The following VAPB variants were observed in gnomAD, a reference collection of about 807,000 sequenced individuals.
VAPB encodes the protein VAMP associated protein B and C.
VAPB carries 7 observed loss-of-function variants against 25.6 expected under a neutral mutation model. The observed-to-expected ratio is 0.27, with a 90% confidence interval of 0.16 to 0.51. The LOEUF is 0.51. VAPB is among the 20% of genes least tolerant of loss of function. VAPB has a pLI of 0.97. For missense variants in VAPB, 266 were observed against 301.3 expected (o/e 0.88, Z 0.87); for synonymous variants, 112 against 109.2 (o/e 1.03, Z -0.16).
At chr20:58,391,602 C>A (rs1383184712) in intron 1 of VAPB, among the ~76,000 whole-genome samples, 1 of 151,992 alleles carries the variant, frequency 6.6e-6, no homozygotes, top group East Asian at 1.9e-4. Context: ...GGCGCCATCT[C>A]ACTGCAGCCT....
intron 2 of VAPB, among the ~76,000 whole-genome samples, chr20:58,424,426 A>G (rs1339038394): frequency 6.6e-6 from 1 of 151,996 alleles, no homozygotes; most frequent in African/African-American, 2.4e-5. Context: ...GCATTCAGAA[A>G]TAACAGTGGG....
chr20:58,449,972 C>T lies in VAPB; in HGVS notation c.*5737C>T, dbSNP rs972036619. The T allele has an allele frequency of 4.4e-6, 2 of 453,712 alleles. No homozygotes were observed. Among genetic ancestry groups the T allele is most frequent in the Non-Finnish European group, 8.8e-6 (2 of 226,758 alleles). The allele number at this position is 453,712 out of a possible 1,614,324, so 28.1% of individuals were successfully genotyped here. On this transcript the variant is annotated 3_prime_UTR_variant, in exon 6 of 6. Transcript: ENST00000475243. The stretch of plus-strand genomic sequence containing the variant: ...TTTGGAAAATGCCAACTAAGGGAGA[C>T]TAATCAGATATCTTAACACAATTTC...
At chr20:58,443,398 GTTTTT>G (rs397773897) in intron 5 of VAPB, among the ~76,000 whole-genome samples, 2 of 112,836 alleles carry the variant, frequency 1.8e-5, no homozygotes, top group East Asian at 5.0e-4. Flanking sequence ...CCACTTTTAG[GTTTTT>G]TTTTTTTTTT....
At chr20:58,390,560 C>T (rs1377041953) in intron 1 of VAPB, among the ~76,000 whole-genome samples, 1 of 152,024 alleles carries the variant, frequency 6.6e-6, no homozygotes, top group Non-Finnish European at 1.5e-5. Flanking sequence ...GACAGACAAA[C>T]CAACACACAA....
chr20:58,440,920 T>A lies in VAPB; in HGVS notation c.410T>A (p.Ile137Lys). The A allele has an allele frequency of 6.2e-7, 1 of 1,613,590 alleles. No individual in the cohort carries two copies. The highest frequency in any genetic ancestry group is 8.5e-7 in the Non-Finnish European group (1 of 1,179,748). Reference sequence around the variant, plus strand: ...GTTTTTGAACAGCATGATGTAGAAATAAATAAAATTATATCCACAACTGCA... The same window carrying A: ...GTTTTTGAACAGCATGATGTAGAAAAAAATAAAATTATATCCACAACTGCA... ...AENDKPHDVE[I>K]NKIISTTASK... The change falls in exon 5 of 6, where the codon ATA (isoleucine) becomes AAA (lysine). Residue 137 changes from isoleucine (I) to lysine (K), a missense_variant. Ile to Lys is a moderately radical substitution (Grantham distance 102, BLOSUM62 -3). This residue lies in a region of VAPB where 136 missense variants were observed against 130.7 expected (regional missense o/e 1.04). Transcript: ENST00000475243.
chr20:58,449,438 T>C lies in VAPB; in HGVS notation c.*5203T>C, dbSNP rs757341752. On this transcript the variant is annotated 3_prime_UTR_variant, in exon 6 of 6. Transcript: ENST00000475243. The stretch of plus-strand genomic sequence containing the variant: ...AGGTTGTCTTCATGAATATAATTAC[T>C]TGAGATTTTTTTTTCTTAATGGAAT... The C allele has an allele frequency of 2.7e-5, 12 of 450,614 alleles. No individual in the cohort carries two copies. The Admixed American group carries it at 2.9e-4, about 11-fold the overall frequency. The allele number at this position is 450,614 out of a possible 1,614,324, so 27.9% of individuals were successfully genotyped here.
Position 58,446,245 on chromosome 20 carries a change from C to T in VAPB, c.*2010C>T, listed in dbSNP as rs1259580433. ...GTACTTATAAAAGGGAGTGAAAAGA[C>T]CGAGCTGTAAGGCATGTGCCTTCTG... On this transcript the variant is annotated 3_prime_UTR_variant, in exon 6 of 6. Transcript: ENST00000475243. The T allele has an allele frequency of 1.5e-5, 7 of 453,948 alleles. No homozygotes were observed. Among genetic ancestry groups the T allele is most frequent in the South Asian group, 1.1e-4 (7 of 64,480 alleles). The allele number at this position is 453,948 out of a possible 1,614,324, so 28.1% of individuals were successfully genotyped here.
In VAPB at chr20:58,415,064, AC is replaced by A. The variant is rs542220155; in HGVS notation, c.59-3145del. ...ACAGCGAAACCCCGTCTCCACCAAA[AC>A]CAGTCAGGCGTGGCGGCGCGAGCCT... On this transcript the variant is annotated intron_variant, in intron 1 of 5. Transcript: ENST00000475243. Among the ~76,000 whole-genome samples, 646 of 152,310 alleles carry A rather than the reference AC, an allele frequency of 4.2e-3. 3 individuals are homozygous for A. The highest frequency in any genetic ancestry group is 0.029 in the Admixed American group (446 of 15,308).
intron 5 of VAPB, among the ~76,000 whole-genome samples, chr20:58,441,584 G>T (rs1238954563): frequency 1.3e-5 from 2 of 152,234 alleles, no homozygotes; most frequent in East Asian, 3.8e-4. Context: ...GGAGGTTGCA[G>T]TGAGCTGAGA....
intron 2 of VAPB, among the ~76,000 whole-genome samples, chr20:58,428,558 G>A (rs552725939): frequency 3.3e-5 from 5 of 152,146 alleles, no homozygotes; most frequent in African/African-American, 7.2e-5. Flanking sequence ...AGGCTAAGGC[G>A]GGAGGATCAC....
At chr20:58,415,782 C>T (rs1988525081) in intron 1 of VAPB, among the ~76,000 whole-genome samples, 1 of 152,144 alleles carries the variant, frequency 6.6e-6, no homozygotes, top group Non-Finnish European at 1.5e-5. Context: ...TAGTAAAAGT[C>T]TGAATGATGC....
intron 2 of VAPB, among the ~76,000 whole-genome samples, chr20:58,424,887 TAAATG>T (rs1988753259): frequency 6.6e-6 from 1 of 152,236 alleles, no homozygotes. Flanking sequence ...GATTTATAAA[TAAATG>T]CAATTCATTA....
chr20:58,446,445 T>G lies in VAPB; in HGVS notation c.*2210T>G, dbSNP rs1179617553. On this transcript the variant is annotated 3_prime_UTR_variant, in exon 6 of 6. Transcript: ENST00000475243. ...CACTAGAGCAGGGCTCTATTTATTT[T>G]TAAAGGATATGGCCGTGTGTTTTGA... 4 of 454,096 alleles carry G rather than the reference T, an allele frequency of 8.8e-6. No homozygotes were observed. Among genetic ancestry groups the G allele is most frequent in the Admixed American group, 4.7e-5 (2 of 42,586 alleles). 28.1% of individuals were successfully genotyped at this position (454,096 alleles called of 1,614,324 possible). A position where few individuals can be genotyped will look rare whatever the true frequency, so the allele number is the denominator to read the frequency against.
At chr20:58,422,105 T>C (rs1250069919) in intron 2 of VAPB, among the ~76,000 whole-genome samples, 1 of 152,236 alleles carries the variant, frequency 6.6e-6, no homozygotes, top group Non-Finnish European at 1.5e-5. Flanking sequence ...CCCAAAGAGT[T>C]GCTTTAGGCC....
intron 2 of VAPB, among the ~76,000 whole-genome samples, chr20:58,424,255 C>G (rs927127575): frequency 2.0e-5 from 3 of 151,938 alleles, no homozygotes; most frequent in Admixed American, 6.6e-5. Flanking sequence ...TTATTCTTAC[C>G]TTAGACTTAC....
At chr20:58,413,817 C>CA (rs1988447134) in intron 1 of VAPB, among the ~76,000 whole-genome samples, 1 of 138,870 alleles carries the variant, frequency 7.2e-6, no homozygotes, top group African/African-American at 2.7e-5. Flanking sequence ...GCTGGCCGGG[C>CA]GGGGGGCTGA....
intron 1 of VAPB, among the ~76,000 whole-genome samples, chr20:58,415,272 T>C (rs1195566347): frequency 1.3e-5 from 2 of 152,270 alleles, no homozygotes; most frequent in Non-Finnish European, 2.9e-5. Context: ...CTAAATACCT[T>C]TTACAGCATG....
At chr20:58,400,485 G>GT (rs1988070289) in intron 1 of VAPB, among the ~76,000 whole-genome samples, 1 of 152,086 alleles carries the variant, frequency 6.6e-6, no homozygotes, top group Admixed American at 6.6e-5. Flanking sequence ...CTCTGATCCA[G>GT]TTTTTTCTAT....
chr20:58,435,729 C>G (rs1362993837), intron 3 of VAPB, among the ~76,000 whole-genome samples: 3 of 152,152 alleles, frequency 2.0e-5, no homozygotes, highest in Admixed American at 1.3e-4. Flanking sequence ...ATATTTTTGA[C>G]TTTTAGAGAG....
Sources: allele counts gnomAD v4.1 joint callset (sites outside exome capture counted in the v4.1 genomes callset), GRCh38; gene constraint gnomAD v4.1.1; regional missense constraint gnomAD v4.1.1; transcripts MANE v1.5; gene names NCBI Gene and HGNC (gene_info 2026-07-23, HGNC 2026-07-21).